The following ELF2 variants were observed in gnomAD, a reference collection of about 807,000 sequenced individuals.
ELF2 encodes the protein ETS-related transcription factor Elf-2.
ELF2 carries 11 observed loss-of-function variants against 54.8 expected under a neutral mutation model. That is an observed-to-expected ratio of 0.20 (90% CI 0.13 to 0.33). The LOEUF is 0.33. Among genes scored for constraint, ELF2 ranks in the 10% least tolerant of loss-of-function variants. ELF2 has a pLI of 1.00. For missense variants in ELF2, 513 were observed against 703.0 expected, an observed-to-expected ratio of 0.73 and a Z score of 3.06; for synonymous variants, 203 against 245.1, an observed-to-expected ratio of 0.83 and a Z score of 1.61.
At chr4:139,148,377 G>A (rs1304143655) in intron 1 of ELF2, among the ~76,000 whole-genome samples, 1 of 120,202 alleles carries the variant, frequency 8.3e-6, no homozygotes, top group African/African-American at 3.2e-5. Context: ...ATGTTGCCCA[G>A]GCTGATCTCA....
intron 1 of ELF2, among the ~76,000 whole-genome samples, chr4:139,146,970 A>G (rs1176170437): frequency 6.6e-6 from 1 of 152,220 alleles, no homozygotes; most frequent in African/African-American, 2.4e-5. Context: ...GGCCTAGGCA[A>G]AGAATTCATG....
intron 1 of ELF2, among the ~76,000 whole-genome samples, chr4:139,159,743 G>A (rs1466993761): frequency 6.6e-6 from 1 of 152,212 alleles, no homozygotes; most frequent in Non-Finnish European, 1.5e-5. Flanking sequence ...GATGCCTTTT[G>A]ATGGCCTTTG....
chr4:139,111,970 A>C (rs532576881), intron 4 of ELF2, among the ~76,000 whole-genome samples: 1 of 152,260 alleles, frequency 6.6e-6, no homozygotes, highest in African/African-American at 2.4e-5. Context: ...TTTTTCATTT[A>C]CAGCACTTAC....
chr4:139,061,498 T>C (rs1000655340), intron 8 of ELF2, among the ~76,000 whole-genome samples: 1 of 152,056 alleles, frequency 6.6e-6, no homozygotes, highest in Non-Finnish European at 1.5e-5. Context: ...TTAAGATAAA[T>C]TTTCCTATCA....
chr4:139,100,092 G>C (rs1398221137), intron 4 of ELF2, among the ~76,000 whole-genome samples: 1 of 152,200 alleles, frequency 6.6e-6, no homozygotes, highest in Non-Finnish European at 1.5e-5. Context: ...TAATGCATCA[G>C]AGTACAATGC....
At chr4:139,104,906 T>TC (rs1734267198) in intron 4 of ELF2, among the ~76,000 whole-genome samples, 1 of 152,180 alleles carries the variant, frequency 6.6e-6, no homozygotes, top group Admixed American at 6.6e-5. Flanking sequence ...CCCTCACCTT[T>TC]CCCCAACCCT....
intron 1 of ELF2, among the ~76,000 whole-genome samples, chr4:139,168,539 A>C (rs1468423485): frequency 6.6e-6 from 1 of 152,114 alleles, no homozygotes; most frequent in Non-Finnish European, 1.5e-5. Flanking sequence ...CCTGAGAATC[A>C]CTCCCTCCAA....
intron 2 of ELF2, among the ~76,000 whole-genome samples, chr4:139,139,022 T>A (rs1738454543): frequency 6.6e-6 from 1 of 152,192 alleles, no homozygotes; most frequent in Admixed American, 6.5e-5. Context: ...GTACAGAGAT[T>A]TATTACTAAC....
chr4:139,108,956 C>T (rs973587488), intron 4 of ELF2, among the ~76,000 whole-genome samples: 3 of 152,008 alleles, frequency 2.0e-5, no homozygotes, highest in African/African-American at 7.2e-5. Flanking sequence ...ATGCAATGAT[C>T]GAATGAGGAG....
At chr4:139,106,740 CTTTT>C (rs35312494) in intron 4 of ELF2, among the ~76,000 whole-genome samples, 3 of 93,752 alleles carry the variant, frequency 3.2e-5, no homozygotes, top group Non-Finnish European at 2.1e-5. Flanking sequence ...AACTATATTT[CTTTT>C]TTTTTTTTTT....
At chr4:139,176,397 GCC>G (rs11286620) in intron 1 of ELF2, among the ~76,000 whole-genome samples, 23 of 150,200 alleles carry the variant, frequency 1.5e-4, no homozygotes, top group African/African-American at 5.4e-4. Context: ...GGTGTCCAGC[GCC>G]CCCCCCCGCC....
intron 1 of ELF2, among the ~76,000 whole-genome samples, chr4:139,162,455 CG>C (rs1477527512): frequency 6.6e-6 from 1 of 151,980 alleles, no homozygotes; most frequent in African/African-American, 2.4e-5. Flanking sequence ...TGCTTGAACC[CG>C]GGAAGTGGAG....
At chr4:139,087,571 T>A (rs973775705) in intron 4 of ELF2, among the ~76,000 whole-genome samples, 24 of 152,318 alleles carry the variant, frequency 1.6e-4, no homozygotes, top group African/African-American at 5.8e-4. Context: ...GTTCATGCCA[T>A]TCTCCTGCCT....
intron 1 of ELF2, among the ~76,000 whole-genome samples, chr4:139,176,531 C>T (rs1161519466): frequency 1.3e-5 from 2 of 152,106 alleles, no homozygotes; most frequent in East Asian, 3.9e-4. Context: ...TCCTCCGGAG[C>T]CGGACCCCCG....
chr4:139,084,372 C>T (rs1731677220), intron 4 of ELF2: 8 of 1,461,316 alleles, frequency 5.5e-6, no homozygotes, highest in Non-Finnish European at 7.2e-6. Flanking sequence ...CGAGGCCGGC[C>T]CGCCTCCCGC....
chr4:139,121,095 A>ATTTT lies in ELF2; in HGVS notation c.238+4065_238+4068dup, dbSNP rs10711256. ...GCTTTGTATTTTGAATATAACACAG[A>ATTTT]TTTTTTTTTTTTTTTTTTTTTTTTT... On this transcript the variant is annotated intron_variant, in intron 4 of 9. Transcript: ENST00000686138. 1.7e-3 allele frequency among the ~76,000 whole-genome samples: 113 copies of ATTTT among 65,092 alleles called. 14 individuals carry two copies. The highest frequency in any genetic ancestry group is 6.8e-3 in the African/African-American group (89 of 13,098). 42.7% of individuals were successfully genotyped at this position (65,092 alleles called of 152,430 possible). A position where few individuals can be genotyped will look rare whatever the true frequency, so the allele number is the denominator to read the frequency against.
intron 4 of ELF2, among the ~76,000 whole-genome samples, chr4:139,116,183 A>C (rs1245607423): frequency 6.6e-6 from 1 of 152,220 alleles, no homozygotes; most frequent in East Asian, 1.9e-4. Context: ...TCTAAATCAC[A>C]GTACAATTAC....
chr4:139,082,243 T>C (rs1336719483), intron 4 of ELF2, among the ~76,000 whole-genome samples: 1 of 152,248 alleles, frequency 6.6e-6, no homozygotes, highest in African/African-American at 2.4e-5. Context: ...TCTCTTGAAC[T>C]GTACATATTC....
In ELF2 at chr4:139,061,873, T is replaced by G; in HGVS notation, c.798A>C (p.Arg266=). ...CTCATTTGAGTTTTTACCTCAAAGCTCGTCCCATGGTTTCATAGTTCATGT... is the reference window on the plus strand; with the variant it reads ...CTCATTTGAGTTTTTACCTCAAAGCGCGTCCCATGGTTTCATAGTTCATGT... The part of the protein sequence containing the change: ...KPDMNYETMG[R]ALRYYYQRGI... The change falls in exon 8 of 10, where the codon CGA becomes CGC. Residue 266 remains arginine, a synonymous_variant. Transcript: ENST00000686138. The G allele has an allele frequency of 6.2e-7, 1 of 1,612,794 alleles. No homozygotes were observed. The highest frequency in any genetic ancestry group is 8.5e-7 in the Non-Finnish European group (1 of 1,179,538).
Sources: gnomAD v4.1 joint callset for allele counts (sites outside exome capture counted in the v4.1 genomes callset) on GRCh38, gnomAD v4.1.1 for gene constraint, MANE v1.5 for transcripts, NCBI Gene and HGNC (gene_info 2026-07-23, HGNC 2026-07-21) for gene names.